The following ZMYM3 variants were observed in gnomAD, a reference collection of about 807,000 sequenced individuals.
ZMYM3 encodes the protein zinc finger MYM-type protein 3.
In ZMYM3, 6 loss-of-function variants were observed where a neutral mutation model predicts 94.2. The ratio of observed to expected loss-of-function variants is 0.06; its 90% CI spans 0.03 to 0.13. ZMYM3 has a LOEUF of 0.13. Ranked by LOEUF, ZMYM3 falls within the 10% of genes least tolerant of loss-of-function variation. ZMYM3 has a pLI of 1.00. For synonymous variants in ZMYM3, 420 were observed against 426.5 expected (o/e 0.98, Z 0.19); for missense variants, 664 against 1,132.6 (o/e 0.59, Z 5.94).
Position 71,240,885 on chromosome X carries a change from T to C in ZMYM3, c.*31A>G, listed in dbSNP as rs1361993589. The C allele has an allele frequency of 8.4e-7, 1 of 1,190,333 alleles. No homozygotes were observed. Among genetic ancestry groups the C allele is most frequent in the South Asian group, 1.8e-5 (1 of 55,040 alleles). On this transcript the variant is annotated 3_prime_UTR_variant, in exon 25 of 25. Transcript: ENST00000314425. Reference sequence around the variant, plus strand: ...GACATGGCCACAGGACAGACATTGATGTGAAAGATGGATATGGATGGCACA... The same window carrying C: ...GACATGGCCACAGGACAGACATTGACGTGAAAGATGGATATGGATGGCACA...
At position 71,252,933 on chromosome X, in the gene ZMYM3, C is replaced by T. The variant is rs2030563671; in HGVS notation, c.323G>A (p.Gly108Glu). The T allele has an allele frequency of 8.3e-7, 1 of 1,211,877 alleles. No homozygotes were observed. Among genetic ancestry groups the T allele is most frequent in the Non-Finnish European group, 1.1e-6 (1 of 895,453 alleles). The part of the protein sequence containing the change: ...GPEGTLAWDA[G>E]DQTLEPGPGG... Reference sequence around the variant, plus strand: ...TGGTCCAGGCTCTAGGGTCTGATCTCCTGCATCCCATGCCAGGGTTCCCTC... The same window carrying T: ...TGGTCCAGGCTCTAGGGTCTGATCTTCTGCATCCCATGCCAGGGTTCCCTC... The change falls in exon 2 of 25, where the codon GGA becomes GAA. Residue 108 changes from glycine (G) to glutamate (E), a missense_variant. Coordinates refer to ENST00000314425, the MANE Select transcript of ZMYM3 (RefSeq NM_201599.3).
Position 71,248,544 on chromosome X carries a change from G to C in ZMYM3, c.1738-20C>G. ...TGTGCGCTGGAGGGAAGGAAGACAA[G>C]TAAGGGAGGGGCAAGATGTGTGCAG... is the stretch of plus-strand genomic sequence containing the variant. On this transcript the variant is annotated intron_variant, in intron 9 of 24. Coordinates refer to ENST00000314425, the MANE Select transcript of ZMYM3 (RefSeq NM_201599.3). The C allele has an allele frequency of 8.3e-7, 1 of 1,204,339 alleles. No homozygotes were observed. The highest frequency in any genetic ancestry group is 2.4e-4 in the Middle Eastern group (1 of 4,156).
chrX:71,245,997 T>C lies in ZMYM3; in HGVS notation c.2674A>G (p.Met892Val). The C allele has an allele frequency of 8.3e-7, 1 of 1,209,672 alleles. No homozygotes were observed. Among genetic ancestry groups the C allele is most frequent in the East Asian group, 3.0e-5 (1 of 33,812 alleles). The change falls in exon 16 of 25, where the codon ATG becomes GTG. Residue 892 changes from methionine to valine, a missense_variant. Met to Val is a conservative substitution (Grantham distance 21). Coordinates refer to ENST00000314425, the MANE Select transcript of ZMYM3 (RefSeq NM_201599.3). ...YCQKVPVPFS[M>V]PIPVPVPMFL... ...GCAGGGAAACTCACCGGGATAGGCA[T>C]CGAGAAAGGCACCGGGACTTTCTGG...
At chrX:71,250,762 C>T (rs1266142047) in intron 4 of ZMYM3, 36 bp from the exon 5 acceptor site, 3 of 1,137,422 alleles carry the variant, frequency 2.6e-6, no homozygotes. Context: ...AGAAAGGCCA[C>T]CAAACCAGGT....
At chrX:71,252,564 T>C in intron 2 of ZMYM3, 25 bp downstream of exon 2, 1 of 1,133,312 alleles carries the variant, frequency 8.8e-7, no homozygotes. Context: ...CCAGCCCTGA[T>C]TCTCCAGATA....
At position 71,244,473 on chromosome X, in the gene ZMYM3, G is replaced by C. The variant is rs1246953861; in HGVS notation, c.3112-3C>G. ...GAAAGCACCAGCCGCTTTTGACCCT[G>C]GAGGGGAAGAGAAAGCAGGGGCATG... On this transcript the variant is annotated splice_polypyrimidine_tract_variant and splice_region_variant and intron_variant, in intron 19 of 24. Transcript: ENST00000314425. 8.3e-7 allele frequency: 1 copy of C among 1,207,942 alleles called. No homozygotes were observed. Among genetic ancestry groups the C allele is most frequent in the Non-Finnish European group, 1.1e-6 (1 of 894,095 alleles).
At chrX:71,244,241 C>G (rs1275381705) in intron 20 of ZMYM3, 61 bp downstream of exon 20, 5 of 1,155,364 alleles carry the variant, frequency 4.3e-6, no homozygotes, top group Non-Finnish European at 4.7e-6. Context: ...AGCCCCTTCT[C>G]CCCTTTCCCC....
At chrX:71,250,381 A>G (rs1346327183) in intron 5 of ZMYM3, 51 bp downstream of exon 5, 1 of 1,141,782 alleles carries the variant, frequency 8.8e-7, no homozygotes, top group African/African-American at 1.8e-5. Context: ...TCTTACTCAT[A>G]CTCCTGCCCA....
chrX:71,242,476 C>T, intron 22 of ZMYM3, 52 bp from the exon 23 acceptor site: 1 of 1,183,268 alleles, frequency 8.5e-7, no homozygotes, highest in Non-Finnish European at 1.1e-6. Context: ...CTACCCAAAC[C>T]CAACCACTTC....
rs576089921 is a variant in ZMYM3, at chrX:71,251,118, A to G, written c.778+60T>C. The G allele has an allele frequency of 6.2e-4, 705 of 1,135,869 alleles. 4 individuals carry two copies. The South Asian group carries it at 0.012, about 19-fold the overall frequency. The allele number at this position is 1,135,869 out of a possible 1,213,427, so 93.6% of individuals were successfully genotyped here. A position where few individuals can be genotyped will look rare whatever the true frequency, so the allele number is the denominator to read the frequency against. On this transcript the variant is annotated intron_variant, in intron 4 of 24. Transcript: ENST00000314425. ...GAAGATCCATGCCCTGCCGCATGCC[A>G]CTTTCGGACCTTTTCCACACCCAGA... is the stretch of plus-strand genomic sequence containing the variant.
chrX:71,251,037 A>C, intron 4 of ZMYM3, 141 bp downstream of exon 4: 1 of 634,875 alleles, frequency 1.6e-6, no homozygotes, highest in South Asian at 2.7e-5. Flanking sequence ...TCCCATGCCA[A>C]CCCATAGCAG....
Position 71,245,490 on chromosome X carries a change from G to A in ZMYM3, c.2861-5C>T, listed in dbSNP as rs780335955. 5.0e-6 allele frequency: 6 copies of A among 1,201,614 alleles called. No individual in the cohort carries two copies. The highest frequency in any genetic ancestry group is 6.7e-6 in the Non-Finnish European group (6 of 890,439). On this transcript the variant is annotated splice_polypyrimidine_tract_variant and splice_region_variant and intron_variant, in intron 17 of 24. Coordinates refer to ENST00000314425, the MANE Select transcript of ZMYM3 (RefSeq NM_201599.3). ...CACTCTGGTTGCTCACAAGATCTGG[G>A]AAGCAGAGAAGTTGGCTCAGTGGTT...
chrX:71,248,929 T>A, intron 8 of ZMYM3, 90 bp downstream of exon 8: 2 of 1,156,431 alleles, frequency 1.7e-6, no homozygotes, highest in South Asian at 3.9e-5. Flanking sequence ...GGGACTGAGG[T>A]CGGGCAGCAA....
intron 23 of ZMYM3, among the ~76,000 whole-genome samples, chrX:71,241,825 T>C (rs755694848): frequency 1.8e-5 from 2 of 111,067 alleles, no homozygotes; most frequent in South Asian, 3.8e-4. Flanking sequence ...TTAGACCCGA[T>C]AGCAAAGAAT....
chrX:71,246,495 T>A lies in ZMYM3; in HGVS notation c.2430A>T (p.Arg810=). The change falls in exon 15 of 25, where the codon CGA becomes CGT. Residue 810 remains arginine (R), a synonymous_variant. Coordinates refer to ENST00000314425, the MANE Select transcript of ZMYM3 (RefSeq NM_201599.3). ...GNLGKIPVKT[R]SAPTAPTPPP... ...GAGGGGTGGGAGCAGTGGGAGCTGA[T>A]CGGGTCTTCACAGGGATCTGCAAAG... The A allele has an allele frequency of 1.7e-6, 2 of 1,166,253 alleles. No homozygotes were observed. The highest frequency in any genetic ancestry group is 2.3e-6 in the Non-Finnish European group (2 of 872,147).
chrX:71,241,045 G>A lies in ZMYM3; in HGVS notation c.3984C>T (p.Ala1328=), dbSNP rs775352441. 11 of 1,211,370 alleles carry A rather than the reference G, an allele frequency of 9.1e-6. No homozygotes were observed. Among genetic ancestry groups the A allele is most frequent in the Admixed American group, 8.7e-5 (4 of 45,945 alleles). Residue 1328 remains alanine, a synonymous_variant, in exon 25 of 25, where the codon GCC becomes GCT. Transcript: ENST00000314425. Reference sequence around the variant, plus strand: ...TCACAGAATACCAGAGAGGTGACTCGGCGATGCAGGACCGTTCAGGTTGCA... The same window carrying A: ...TCACAGAATACCAGAGAGGTGACTCAGCGATGCAGGACCGTTCAGGTTGCA... ...FYLQPERSCI[A]ESPLWYSVIP...
intron 18 of ZMYM3, among the ~76,000 whole-genome samples, chrX:71,245,127 T>TAAAAAAAAA (rs5902685): frequency 2.6e-4 from 11 of 42,615 alleles, no homozygotes; most frequent in African/African-American, 5.2e-4. Context: ...GCTTAAAAAT[T>TAAAAAAAAA]AAAAAAAAAA....
At position 71,244,838 on chromosome X, in the gene ZMYM3, C is replaced by A; in HGVS notation, c.3063G>T (p.Gly1021=). The change falls in exon 19 of 25, where the codon GGG becomes GGT. Residue 1021 remains glycine (G), a synonymous_variant. Coordinates refer to ENST00000314425, the MANE Select transcript of ZMYM3 (RefSeq NM_201599.3). ...VDFLFDCGLV[G]PEDVSTEQDL... ...CTTGTTCAGTAGACACATCCTCAGG[C>A]CCTACCAGGCCACAATCAAAGAGGA... 8.3e-7 allele frequency: 1 copy of A among 1,208,680 alleles called. No homozygotes were observed. The highest frequency in any genetic ancestry group is 1.1e-6 in the Non-Finnish European group (1 of 893,963).
chrX:71,249,305 C>T (rs2030333672), intron 7 of ZMYM3, 136 bp from the exon 8 acceptor site: 1 of 1,143,719 alleles, frequency 8.7e-7, no homozygotes, highest in African/African-American at 1.8e-5. Context: ...GTGTATCCAC[C>T]AGCCAGCTTC....
Sources: allele counts gnomAD v4.1 joint callset (sites outside exome capture counted in the v4.1 genomes callset), GRCh38; gene constraint gnomAD v4.1.1; transcripts MANE v1.5; gene names NCBI Gene and HGNC (gene_info 2026-07-23, HGNC 2026-07-21).